The following DNAH3 variants were observed in gnomAD, a reference collection of about 807,000 sequenced individuals.
DNAH3 encodes the protein dynein axonemal heavy chain 3, also known as axonemal beta dynein heavy chain 3.
DNAH3 carries 332 observed loss-of-function variants against 432.5 expected under a neutral mutation model. The observed-to-expected ratio is 0.77, with a 90% confidence interval of 0.70 to 0.84. The LOEUF (loss-of-function observed/expected upper bound fraction) is 0.84, where lower values mean the gene tolerates loss of function less well. Among genes scored for constraint, DNAH3 ranks in the 40% least tolerant of loss-of-function variants. The pLI is 0.00. For synonymous variants in DNAH3, 1,956 were observed against 1,900.2 expected (o/e 1.03, Z -0.76); for missense variants, 4,861 against 5,114.0 (o/e 0.95, Z 1.51).
chr16:21,027,249 TG>T (rs2088616860), intron 37 of DNAH3, 122 bp from the exon 38 acceptor site: 1 of 718,720 alleles, frequency 1.4e-6, no homozygotes, highest in African/African-American at 1.7e-5. Flanking sequence ...TGAGCACTTA[TG>T]ATGTCCCAGG....
exon 6 of DNAH3, chr16:21,136,335 A>T (rs2092642393): frequency 6.2e-7 from 1 of 1,613,718 alleles, no homozygotes; most frequent in Admixed American, 1.7e-5. Flanking sequence ...GATGCTTTTC[A>T]TGAGGCTACA....
chr16:20,966,699 G>A (rs149106393), intron 52 of DNAH3, among the ~76,000 whole-genome samples: 1 of 152,298 alleles, frequency 6.6e-6, no homozygotes, highest in East Asian at 1.9e-4. Flanking sequence ...GGAAAAGGCA[G>A]CGGGAGCCAC....
In DNAH3 at chr16:21,157,360, G is replaced by A. The variant is rs992640638; in HGVS notation, c.117+1965C>T. ...TCTTTTTTTTTTTTTTTTTTTTTGA[G>A]ACAGGGTCTCACTCTGTTGCCCAGG... On this transcript the variant is annotated intron_variant, in intron 1 of 61. Transcript: ENST00000261383. 4.9e-4 allele frequency among the ~76,000 whole-genome samples: 58 copies of A among 117,216 alleles called. 1 individual carries two copies. The East Asian group carries it at 6.9e-3, about 14-fold the overall frequency. The allele number at this position is 117,216 out of a possible 152,430, so 76.9% of individuals were successfully genotyped here.
chr16:20,945,938 T>C (rs899375924), intron 57 of DNAH3, among the ~76,000 whole-genome samples: 4 of 152,234 alleles, frequency 2.6e-5, no homozygotes, highest in Admixed American at 6.5e-5. Flanking sequence ...ACTTGTCATC[T>C]GAAACCCCAG....
chr16:21,015,351 A>G (rs2087805115), intron 41 of DNAH3, among the ~76,000 whole-genome samples: 1 of 152,338 alleles, frequency 6.6e-6, no homozygotes. Context: ...TGGAAAAGTC[A>G]AAACTATAGA....
exon 37 of DNAH3, chr16:21,031,261 C>T (rs755495380): frequency 6.2e-7 from 1 of 1,614,148 alleles, no homozygotes; most frequent in Non-Finnish European, 8.5e-7. Context: ...TCTTGTACTC[C>T]ACAGCAAACT....
intron 12 of DNAH3, among the ~76,000 whole-genome samples, chr16:21,113,853 C>T (rs1361243031): frequency 1.3e-5 from 2 of 152,204 alleles, no homozygotes; most frequent in Non-Finnish European, 2.9e-5. Context: ...TGAATTAATG[C>T]TGTGCCTGAC....
chr16:20,952,682 G>A, intron 55 of DNAH3, 133 bp from the exon 56 acceptor site: 1 of 631,760 alleles, frequency 1.6e-6, no homozygotes, highest in Non-Finnish European at 2.9e-6. Flanking sequence ...AAGCACCGAG[G>A]CCAACTATTA....
intron 7 of DNAH3, among the ~76,000 whole-genome samples, chr16:21,131,497 A>AG (rs1567846251): frequency 7.6e-5 from 11 of 145,426 alleles, no homozygotes; most frequent in East Asian, 4.1e-4. Flanking sequence ...AGAAAGAGAG[A>AG]TGAGAGAGAA....
At chr16:20,955,462 C>CGTAG (rs1567522234) in intron 54 of DNAH3, among the ~76,000 whole-genome samples, 2 of 149,966 alleles carry the variant, frequency 1.3e-5, no homozygotes, top group African/African-American at 4.9e-5. Flanking sequence ...AAAGCTCCTA[C>CGTAG]TCTTTTTTTT....
At chr16:20,964,852 G>C in exon 53 of DNAH3, 2 of 1,614,080 alleles carry the variant, frequency 1.2e-6, no homozygotes, top group Non-Finnish European at 1.7e-6. Flanking sequence ...CACTGTAAAA[G>C]CGCCCAGGTA....
chr16:20,992,215 T>A (rs2086587362), intron 44 of DNAH3, among the ~76,000 whole-genome samples: 1 of 152,210 alleles, frequency 6.6e-6, no homozygotes, highest in South Asian at 2.1e-4. Flanking sequence ...AAGCTTAAAT[T>A]TTCTCATCTT....
chr16:20,977,254 G>C (rs1409062082), intron 50 of DNAH3, among the ~76,000 whole-genome samples: 2 of 152,168 alleles, frequency 1.3e-5, no homozygotes, highest in Non-Finnish European at 2.9e-5. Flanking sequence ...GCACGTGCCT[G>C]TAATCCCAGC....
intron 55 of DNAH3, 74 bp downstream of exon 55, chr16:20,954,739 C>T (rs2084481429): frequency 3.9e-6 from 6 of 1,523,018 alleles, no homozygotes; most frequent in East Asian, 2.3e-5. Context: ...AGCTTAAACA[C>T]GCACCTGGAA....
chr16:21,156,747 G>A (rs759741485), intron 1 of DNAH3, among the ~76,000 whole-genome samples: 1 of 152,118 alleles, frequency 6.6e-6, no homozygotes, highest in African/African-American at 2.4e-5. Context: ...AAGTCCTGAT[G>A]CTATGGAGAG....
chr16:21,128,430 C>T (rs1193815740), intron 7 of DNAH3, among the ~76,000 whole-genome samples: 1 of 151,890 alleles, frequency 6.6e-6, no homozygotes, highest in Non-Finnish European at 1.5e-5. Context: ...CGCGGTGGCT[C>T]ACACCTGTAA....
intron 1 of DNAH3, among the ~76,000 whole-genome samples, chr16:21,146,772 T>TA (rs1451519302): frequency 6.6e-6 from 1 of 151,676 alleles, no homozygotes; most frequent in East Asian, 1.9e-4. Flanking sequence ...TCTTTCTTTT[T>TA]TTTTTTGAGA....
At chr16:21,003,536 G>A (rs540796193) in intron 41 of DNAH3, among the ~76,000 whole-genome samples, 1 of 152,336 alleles carries the variant, frequency 6.6e-6, no homozygotes, top group African/African-American at 2.4e-5. Flanking sequence ...ACTTTGGGAG[G>A]CTGAGGTGGG....
exon 38 of DNAH3, chr16:21,027,061 C>A: frequency 6.2e-7 from 1 of 1,613,520 alleles, no homozygotes; most frequent in Non-Finnish European, 8.5e-7. Context: ...TGCTCGAGGT[C>A]GGCGGGCTCG....
Sources: allele counts gnomAD v4.1 joint callset (sites outside exome capture counted in the v4.1 genomes callset), GRCh38; gene constraint gnomAD v4.1.1; transcripts MANE v1.5; gene names NCBI Gene and HGNC (gene_info 2026-07-23, HGNC 2026-07-21).